Variants in ELAVL3 observed in about 807,000 individuals in gnomAD.
ELAVL3 encodes the protein ELAV-like protein 3.
A neutral mutation model predicts 34.2 loss-of-function variants in ELAVL3; 8 were observed. The ratio of observed to expected loss-of-function variants is 0.23; its 90% CI spans 0.14 to 0.42. The LOEUF is 0.42. Among genes scored for constraint, ELAVL3 ranks in the 10% least tolerant of loss-of-function variants. ELAVL3 has a pLI of 1.00. For synonymous variants in ELAVL3, 209 were observed against 222.1 expected (o/e 0.94, Z 0.53); for missense variants, 273 against 518.8 (o/e 0.53, Z 4.60).
intron 3 of ELAVL3, among the ~76,000 whole-genome samples, chr19:11,459,168 G>C (rs553136042): frequency 6.7e-6 from 1 of 148,876 alleles, no homozygotes; most frequent in African/African-American, 2.5e-5. Context: ...CTGTCGCCAG[G>C]CTGGAGTGCA....
chr19:11,462,357 C>T (rs1385439627), intron 3 of ELAVL3, among the ~76,000 whole-genome samples: 1 of 152,044 alleles, frequency 6.6e-6, no homozygotes, highest in African/African-American at 2.4e-5. Context: ...CACAGCCAGG[C>T]CAGGCACGGT....
Position 11,458,440 on chromosome 19 carries a change from C to A in ELAVL3, c.487+18G>T. The A allele has an allele frequency of 6.2e-7, 1 of 1,613,874 alleles. No individual in the cohort carries two copies. The highest frequency in any genetic ancestry group is 8.5e-7 in the Non-Finnish European group (1 of 1,179,942). ...TGCCCAGCGCCCCCGCCAGGTGCAC[C>A]CTCCCTGACTGCCTGACCTGTGACC... On this transcript the variant is annotated intron_variant, in intron 4 of 6. Transcript: ENST00000359227. This position sits in a 1 kb window ranked among gnomAD's most constrained non-coding sequence, Gnocchi z 7.3.
intron 1 of ELAVL3, among the ~76,000 whole-genome samples, chr19:11,468,575 C>A (rs956415472): frequency 6.6e-6 from 1 of 152,034 alleles, no homozygotes; most frequent in Non-Finnish European, 1.5e-5. Context: ...CCACCACGCC[C>A]GCCAAATTTT....
intron 1 of ELAVL3, among the ~76,000 whole-genome samples, chr19:11,468,424 T>C (rs896353431): frequency 6.6e-6 from 1 of 151,868 alleles, no homozygotes; most frequent in Non-Finnish European, 1.5e-5. Flanking sequence ...TTTTTTTTTT[T>C]TTTTTTTAAA....
At chr19:11,470,430 C>T (rs1971140597) in intron 1 of ELAVL3, among the ~76,000 whole-genome samples, 1 of 151,916 alleles carries the variant, frequency 6.6e-6, no homozygotes, top group Non-Finnish European at 1.5e-5. Context: ...CTTTGGGAGG[C>T]CGAGGCAGGC....
intron 3 of ELAVL3, among the ~76,000 whole-genome samples, chr19:11,463,475 G>GCCTT (rs1970934147): frequency 6.6e-6 from 1 of 152,138 alleles, no homozygotes; most frequent in African/African-American, 2.4e-5. Flanking sequence ...GAATTACAGT[G>GCCTT]AAGGTCGTAG....
At chr19:11,462,807 C>T (rs1970916798) in intron 3 of ELAVL3, among the ~76,000 whole-genome samples, 1 of 151,214 alleles carries the variant, frequency 6.6e-6, no homozygotes, top group Non-Finnish European at 1.5e-5. Flanking sequence ...AAAAAAAATA[C>T]AAAGATTAGC....
At chr19:11,462,932 A>G (rs311775) in intron 3 of ELAVL3, among the ~76,000 whole-genome samples, 39,399 of 149,178 alleles carry the variant, frequency 0.26, 6,577 homozygotes, top group African/African-American at 0.48. Flanking sequence ...ACTGCATTCC[A>G]GCCTGGGTGA....
chr19:11,473,231 G>A (rs1293142347), intron 1 of ELAVL3, among the ~76,000 whole-genome samples: 1 of 151,976 alleles, frequency 6.6e-6, no homozygotes, highest in African/African-American at 2.4e-5. Flanking sequence ...CGGGCATGGT[G>A]GCGGGCGCCT....
rs112978353 is a variant in ELAVL3 at position 11,476,550 on chromosome 19, G to GA, written c.9+4049dup. Among the ~76,000 whole-genome samples, 356 of 143,600 alleles carry GA rather than the reference G, an allele frequency of 2.5e-3. 2 individuals are homozygous for GA. Among genetic ancestry groups the GA allele is most frequent in the South Asian group, 3.3e-3 (15 of 4,508 alleles). The allele number at this position is 143,600 out of a possible 152,430, so 94.2% of individuals were successfully genotyped here. The stretch of plus-strand genomic sequence containing the variant: ...GAGGGTGAGACCCTGACTCTTAAGG[G>GA]AAAAAAAAAAAAATGAAGGAATAGG... On this transcript the variant is annotated intron_variant, in intron 1 of 6. Coordinates refer to ENST00000359227, the MANE Select transcript of ELAVL3 (RefSeq NM_001420.4).
At chr19:11,475,972 G>T (rs1317131586) in intron 1 of ELAVL3, among the ~76,000 whole-genome samples, 3 of 152,076 alleles carry the variant, frequency 2.0e-5, no homozygotes, top group Admixed American at 2.0e-4. Flanking sequence ...TCTCCAATTG[G>T]CTGAGTTGCT....
At chr19:11,469,270 T>A (rs1402730840) in intron 1 of ELAVL3, among the ~76,000 whole-genome samples, 1 of 151,476 alleles carries the variant, frequency 6.6e-6, no homozygotes, top group Admixed American at 6.6e-5. Context: ...ATTACGTTAA[T>A]TGATTTTCTT....
chr19:11,464,749 C>G (rs1314184324), intron 3 of ELAVL3, among the ~76,000 whole-genome samples: 1 of 54,250 alleles, frequency 1.8e-5, no homozygotes, highest in Admixed American at 2.0e-4. Flanking sequence ...CACACATACA[C>G]CACACACACA....
chr19:11,468,661 C>T (rs938741244), intron 1 of ELAVL3, among the ~76,000 whole-genome samples: 20 of 151,786 alleles, frequency 1.3e-4, no homozygotes, highest in African/African-American at 4.1e-4. Context: ...ATGCTGACCT[C>T]GTGATCTGCC....
In ELAVL3 at chr19:11,480,514, C is replaced by G. The variant is rs541611129; in HGVS notation, c.9+86G>C. 5.0e-6 allele frequency: 7 copies of G among 1,410,088 alleles called. No homozygotes were observed. In the South Asian group the frequency reaches 6.5e-5, roughly 13 times the overall value. The allele number at this position is 1,410,088 out of a possible 1,614,324, so 87.3% of individuals were successfully genotyped here. ...GCCTAGCTAGGCCTGGTCCTACCCCCCCCGCCGCACCCGCCCAATCTCCGC... is the reference window on the plus strand; with the variant it reads ...GCCTAGCTAGGCCTGGTCCTACCCCGCCCGCCGCACCCGCCCAATCTCCGC... On this transcript the variant is annotated intron_variant, in intron 1 of 6. Transcript: ENST00000359227. This position sits in a 1 kb window ranked among gnomAD's most constrained non-coding sequence, Gnocchi z 6.8.
intron 6 of ELAVL3, among the ~76,000 whole-genome samples, chr19:11,455,538 C>T (rs971461700): frequency 6.6e-6 from 1 of 152,002 alleles, no homozygotes; most frequent in African/African-American, 2.4e-5. Context: ...CCGCCCGCTT[C>T]GACCTCCCAA....
Position 11,453,197 on chromosome 19 carries a change from G to T in ELAVL3, c.*1329C>A, listed in dbSNP as rs913027058. ...TCCTTTGGCCTCAAGTGTTGTGGGG[G>T]GGGGGGCTGCCTCCAGCCCACCGTG... On this transcript the variant is annotated 3_prime_UTR_variant, in exon 7 of 7. Transcript: ENST00000359227. 2.6e-5 allele frequency: 4 copies of T among 152,164 alleles called. No homozygotes were observed. The highest frequency in any genetic ancestry group is 6.5e-5 in the Admixed American group (1 of 15,278). The allele number at this position is 152,164 out of a possible 1,614,324, so 9.4% of individuals were successfully genotyped here.
In ELAVL3 at chr19:11,458,174, G is replaced by A. The variant is rs1251736701; in HGVS notation, c.600C>T (p.Val200=). 6.2e-7 allele frequency: 1 copy of A among 1,614,174 alleles called. No homozygotes were observed. Among genetic ancestry groups the A allele is most frequent in the African/African-American group, 1.3e-5 (1 of 75,074 alleles). The part of the protein sequence containing the change: ...KPLGAAEPIT[V]KFANNPSQKT... Reference sequence around the variant, plus strand: ...TCTGACTTGGGTTGTTCGCGAACTTGACTGTGATGGGCTCAGCTGCGCCCA... The same window carrying A: ...TCTGACTTGGGTTGTTCGCGAACTTAACTGTGATGGGCTCAGCTGCGCCCA... Residue 200 remains valine, a synonymous_variant, in exon 5 of 7, where the codon GTC becomes GTT. Coordinates refer to ENST00000359227, the MANE Select transcript of ELAVL3 (RefSeq NM_001420.4). This position sits in a 1 kb window ranked among gnomAD's most constrained non-coding sequence, Gnocchi z 7.3.
In ELAVL3 at chr19:11,480,433, G is replaced by A. The variant is rs573148531; in HGVS notation, c.9+167C>T. ...AGCTCTAAGCGCCCTCAGCACTCTG[G>A]GCGCGGCCCTGCCCACTCTCAGGCC... On this transcript the variant is annotated intron_variant, in intron 1 of 6. Transcript: ENST00000359227. This position sits in a 1 kb window ranked among gnomAD's most constrained non-coding sequence, Gnocchi z 6.8. 6.6e-6 allele frequency among the ~76,000 whole-genome samples: 1 copy of A among 152,114 alleles called. No individual in the cohort carries two copies. Among genetic ancestry groups the A allele is most frequent in the Non-Finnish European group, 1.5e-5 (1 of 67,936 alleles).
Sources: gnomAD v4.1 joint callset for allele counts (sites outside exome capture counted in the v4.1 genomes callset) on GRCh38, gnomAD v4.1.1 for gene constraint, Gnocchi (gnomAD v3.1) non-coding constraint, MANE v1.5 for transcripts, NCBI Gene and HGNC (gene_info 2026-07-23, HGNC 2026-07-21) for gene names.